The following PDE1A variants were observed in gnomAD, a reference collection of about 807,000 sequenced individuals.
PDE1A encodes dual specificity calcium/calmodulin-dependent 3',5'-cyclic nucleotide phosphodiesterase 1A.
A neutral mutation model predicts 61.7 loss-of-function variants in PDE1A; 35 were observed. The ratio of observed to expected loss-of-function variants is 0.57; its 90% confidence interval spans 0.43 to 0.75. PDE1A has a LOEUF of 0.75. PDE1A is among the 30% of genes least tolerant of loss of function. The pLI is 0.00. For missense variants in PDE1A, 597 were observed against 630.6 expected (o/e 0.95, Z 0.57); for synonymous variants, 232 against 213.2 (o/e 1.09, Z -0.77).
the PDE1A span, among the ~76,000 whole-genome samples, chr2:182,685,775 T>A: frequency 3.3e-5 from 5 of 152,292 alleles, no homozygotes; most frequent in African/African-American, 1.2e-4. Context: ...ATCAAAGTGC[T>A]TTTGCTTTTT....
upstream of PDE1A, among the ~76,000 whole-genome samples, chr2:182,524,359 C>T (rs1208533995): frequency 2.0e-5 from 3 of 152,158 alleles, no homozygotes; most frequent in Non-Finnish European, 4.4e-5. Context: ...CTAAATATGA[C>T]ATGAAATGTC....
At chr2:182,179,380 C>A (rs940445412) in intron 13 of PDE1A, among the ~76,000 whole-genome samples, 1 of 151,972 alleles carries the variant, frequency 6.6e-6, no homozygotes, top group Admixed American at 6.6e-5. Context: ...GAAAGCAATT[C>A]ACAAAGGAAT....
the PDE1A span, among the ~76,000 whole-genome samples, chr2:182,567,481 A>G: frequency 2.6e-5 from 4 of 152,238 alleles, no homozygotes; most frequent in Non-Finnish European, 1.5e-5. Context: ...TCATTTAGAC[A>G]TGAAATACCA....
chr2:182,646,262 A>G, the PDE1A span, among the ~76,000 whole-genome samples: 5 of 151,932 alleles, frequency 3.3e-5, no homozygotes, highest in Non-Finnish European at 7.4e-5. Context: ...AGACTGGCCA[A>G]CGTGGTGAAA....
chr2:182,576,566 T>C, the PDE1A span, among the ~76,000 whole-genome samples: 2 of 152,178 alleles, frequency 1.3e-5, no homozygotes, highest in African/African-American at 4.8e-5. Context: ...CTTTCAACTC[T>C]TTTGTGTATA....
At chr2:182,602,992 C>CACACACATACATACAT in the PDE1A span, among the ~76,000 whole-genome samples, 3,979 of 130,414 alleles carry the variant, frequency 0.031, 95 homozygotes, top group African/African-American at 0.071. Flanking sequence ...CACACACACA[C>CACACACATACATACAT]ACATACATAC....
chr2:182,269,466 G>A (rs1005249160), intron 1 of PDE1A, among the ~76,000 whole-genome samples: 2 of 151,560 alleles, frequency 1.3e-5, no homozygotes, highest in East Asian at 1.9e-4. Context: ...TCCAGCCTGG[G>A]CAACAAGAGT....
At chr2:182,481,016 T>C (rs999056648) in intron 2 of PDE1A, among the ~76,000 whole-genome samples, 13 of 151,904 alleles carry the variant, frequency 8.6e-5, no homozygotes, top group African/African-American at 2.9e-4. Context: ...TAGAGAAGAC[T>C]GCTCCTTCCA....
At chr2:182,423,790 C>G (rs563811543) in intron 1 of PDE1A, among the ~76,000 whole-genome samples, 1 of 151,982 alleles carries the variant, frequency 6.6e-6, no homozygotes, top group Non-Finnish European at 1.5e-5. Context: ...TCTCAAGCAC[C>G]ATGAACTCAG....
chr2:182,649,095 A>G, the PDE1A span, among the ~76,000 whole-genome samples: 1 of 152,186 alleles, frequency 6.6e-6, no homozygotes, highest in Admixed American at 6.5e-5. Context: ...GGTGGCCTAG[A>G]ATACATCTGA....
At chr2:182,187,749 T>TTTTTTTTTTTTTTG (rs1685340595) in intron 11 of PDE1A, among the ~76,000 whole-genome samples, 1 of 132,468 alleles carries the variant, frequency 7.5e-6, no homozygotes. Flanking sequence ...TTTTTTTTTT[T>TTTTTTTTTTTTTTG]TTTTTTTTTT....
At chr2:182,707,358 T>G in the PDE1A span, among the ~76,000 whole-genome samples, 1 of 152,104 alleles carries the variant, frequency 6.6e-6, no homozygotes, top group Non-Finnish European at 1.5e-5. Context: ...CAAAAGCAGA[T>G]TATTTGAAAA....
chr2:182,602,567 C>T, the PDE1A span, among the ~76,000 whole-genome samples: 25 of 152,326 alleles, frequency 1.6e-4, no homozygotes, highest in East Asian at 3.7e-3. Context: ...CAAAAGCTAA[C>T]AGATGCAAAT....
the PDE1A span, among the ~76,000 whole-genome samples, chr2:182,626,766 T>C: frequency 1.4e-4 from 1 of 7,354 alleles, no homozygotes; most frequent in Non-Finnish European, 3.1e-4. Flanking sequence ...TATATACATA[T>C]ATATACATAT....
At chr2:182,389,769 A>C (rs1217522904) in intron 1 of PDE1A, among the ~76,000 whole-genome samples, 1 of 152,166 alleles carries the variant, frequency 6.6e-6, no homozygotes, top group Non-Finnish European at 1.5e-5. Flanking sequence ...ACTCACCCTC[A>C]ATCTGGGTGA....
At chr2:182,349,098 G>A (rs777739762) in intron 1 of PDE1A, among the ~76,000 whole-genome samples, 36 of 152,224 alleles carry the variant, frequency 2.4e-4, no homozygotes, top group Non-Finnish European at 4.3e-4. Context: ...TCAAGGGTAC[G>A]TACAGACCAG....
At chr2:182,174,025 G>A (rs984593725) in intron 13 of PDE1A, among the ~76,000 whole-genome samples, 4 of 151,942 alleles carry the variant, frequency 2.6e-5, no homozygotes, top group Non-Finnish European at 5.9e-5. Flanking sequence ...AGGCATTGCT[G>A]GCAAATAAAA....
At chr2:182,242,899 C>CTCTCTCTCT (rs1690647447) in intron 2 of PDE1A, among the ~76,000 whole-genome samples, 1 of 103,684 alleles carries the variant, frequency 9.6e-6, no homozygotes, top group Non-Finnish European at 1.8e-5. Flanking sequence ...TCTCTCTCTC[C>CTCTCTCTCT]CTCTCTCTCT....
chr2:182,584,995 AG>A, the PDE1A span, among the ~76,000 whole-genome samples: 1 of 152,222 alleles, frequency 6.6e-6, no homozygotes, highest in East Asian at 1.9e-4. Context: ...AAAAAGTAAG[AG>A]GGTTCTTCAA....
Sources: gnomAD v4.1 joint callset for allele counts (sites outside exome capture counted in the v4.1 genomes callset) on GRCh38, gnomAD v4.1.1 for gene constraint, MANE v1.5 for transcripts, NCBI Gene and HGNC (gene_info 2026-07-23, HGNC 2026-07-21) for gene names.